The following CFAP300 variants were observed in gnomAD, a reference collection of about 807,000 sequenced individuals.
The protein encoded by CFAP300 is cilia- and flagella-associated protein 300.
A neutral mutation model predicts 33.0 loss-of-function variants in CFAP300; 32 were observed. That is an observed-to-expected ratio of 0.97 (90% CI 0.73 to 1.30). The LOEUF is 1.30. Ranked by LOEUF, CFAP300 falls within the 50% of genes most tolerant of loss-of-function variation. The pLI, the probability that CFAP300 is intolerant of heterozygous loss-of-function variation, is 0.00. For missense variants in CFAP300, 356 were observed against 318.1 expected, an observed-to-expected ratio of 1.12 and a Z score of -0.90; for synonymous variants, 102 against 106.8, an observed-to-expected ratio of 0.95 and a Z score of 0.28.
At chr11:102,082,099 C>T (rs2135054107) in intron 6 of CFAP300, among the ~76,000 whole-genome samples, 1 of 151,976 alleles carries the variant, frequency 6.6e-6, no homozygotes, top group South Asian at 2.1e-4. Context: ...GAAACATAGT[C>T]CCCACCCCGT....
intron 4 of CFAP300, among the ~76,000 whole-genome samples, chr11:102,071,546 G>T (rs910093965): frequency 6.6e-6 from 1 of 151,970 alleles, no homozygotes; most frequent in Non-Finnish European, 1.5e-5. Context: ...TTTGGGGTTT[G>T]GTGGTTTTCT....
At chr11:102,055,883 A>G (rs1942049371) in intron 2 of CFAP300, among the ~76,000 whole-genome samples, 1 of 147,654 alleles carries the variant, frequency 6.8e-6, no homozygotes, top group Non-Finnish European at 1.5e-5. Context: ...GTTAGTCAGG[A>G]TGGTCTCAAT....
chr11:102,059,016 G>T (rs1415615414), intron 3 of CFAP300, 61 bp downstream of exon 3: 3 of 975,562 alleles, frequency 3.1e-6, no homozygotes, highest in African/African-American at 1.7e-5. Flanking sequence ...TTTTGCCTCA[G>T]GAATTTTCAT....
At chr11:102,076,911 T>C (rs1422879853) in intron 5 of CFAP300, among the ~76,000 whole-genome samples, 1 of 152,214 alleles carries the variant, frequency 6.6e-6, no homozygotes, top group Non-Finnish European at 1.5e-5. Context: ...GAACAAGTTA[T>C]TGTCAACACA....
At chr11:102,067,930 A>G (rs1427500728) in intron 4 of CFAP300, among the ~76,000 whole-genome samples, 1 of 152,176 alleles carries the variant, frequency 6.6e-6, no homozygotes, top group Non-Finnish European at 1.5e-5. Context: ...AAAGAAATGT[A>G]TTATTGATAT....
At chr11:102,068,772 G>A (rs1438414830) in intron 4 of CFAP300, among the ~76,000 whole-genome samples, 4 of 152,168 alleles carry the variant, frequency 2.6e-5, no homozygotes, top group African/African-American at 9.7e-5. Context: ...AGGTGAAAGA[G>A]CAAGATTTCG....
At chr11:102,064,496 C>T (rs1942195318) in intron 3 of CFAP300, among the ~76,000 whole-genome samples, 1 of 152,238 alleles carries the variant, frequency 6.6e-6, no homozygotes, top group Non-Finnish European at 1.5e-5. Context: ...ATACACAGTT[C>T]CTGGCTCCAG....
At chr11:102,070,620 T>G (rs557277930) in intron 4 of CFAP300, among the ~76,000 whole-genome samples, 1 of 152,308 alleles carries the variant, frequency 6.6e-6, no homozygotes, top group South Asian at 2.1e-4. Flanking sequence ...GCTTTTTTAG[T>G]TTCTTGAGGT....
intron 5 of CFAP300, among the ~76,000 whole-genome samples, chr11:102,076,896 T>G (rs1170659916): frequency 6.6e-6 from 1 of 152,212 alleles, no homozygotes; most frequent in Non-Finnish European, 1.5e-5. Flanking sequence ...CTCTGTGATT[T>G]TAATGAACAA....
intron 5 of CFAP300, among the ~76,000 whole-genome samples, chr11:102,076,763 A>G (rs1448041019): frequency 1.3e-5 from 2 of 152,220 alleles, no homozygotes; most frequent in African/African-American, 4.8e-5. Context: ...CTTTACTTAT[A>G]CTCAACACCT....
At chr11:102,070,162 G>A (rs1379665014) in intron 4 of CFAP300, among the ~76,000 whole-genome samples, 1 of 151,930 alleles carries the variant, frequency 6.6e-6, no homozygotes, top group Non-Finnish European at 1.5e-5. Flanking sequence ...AGGAAGGAAG[G>A]AAGTGGAGAT....
At chr11:102,047,741 G>T in intron 1 of CFAP300, 74 bp from the exon 2 acceptor site, 1 of 1,550,246 alleles carries the variant, frequency 6.5e-7, no homozygotes, top group Non-Finnish European at 8.8e-7. Context: ...GGATGCTGTG[G>T]GTGGGATCGG....
rs372015461 is a variant in CFAP300, at chr11:102,076,081, T to A, written c.608+36T>A. ...TAGATCACAATATGTAAATCTCTAGTTAATAGAATAAATTATTTGCTTAAC... is the reference window on the plus strand; with the variant it reads ...TAGATCACAATATGTAAATCTCTAGATAATAGAATAAATTATTTGCTTAAC... On this transcript the variant is annotated intron_variant, in intron 5 of 6. Coordinates refer to ENST00000434758, the MANE Select transcript of CFAP300 (RefSeq NM_032930.3). The A allele has an allele frequency of 1.5e-4, 232 of 1,560,472 alleles. 2 individuals are homozygous for A. In the South Asian group the frequency reaches 1.6e-3, roughly 11 times the overall value.
intron 2 of CFAP300, among the ~76,000 whole-genome samples, chr11:102,052,187 G>C (rs1941981774): frequency 1.3e-5 from 2 of 152,170 alleles, no homozygotes; most frequent in East Asian, 3.8e-4. Flanking sequence ...CTGCAGGCCA[G>C]TTGACCTGCT....
At position 102,075,899 on chromosome 11, in the gene CFAP300, A is replaced by G. The variant is rs1444478969; in HGVS notation, c.462A>G (p.Lys154=). The G allele has an allele frequency of 6.2e-7, 1 of 1,612,496 alleles. No individual in the cohort carries two copies. The highest frequency in any genetic ancestry group is 8.5e-7 in the Non-Finnish European group (1 of 1,179,540). Residue 154 remains lysine (K), a synonymous_variant, in exon 5 of 7, where the codon AAA becomes AAG. Coordinates refer to ENST00000434758, the MANE Select transcript of CFAP300 (RefSeq NM_032930.3). ...TTTTGCTAGTGGAAGACTCAGAAAA[A>G]TATGAAATATTCAGCCAACCAGATA... ...RRVLLVEDSE[K]YEIFSQPDRE...
chr11:102,068,594 C>A (rs974912977), intron 4 of CFAP300, among the ~76,000 whole-genome samples: 2 of 152,112 alleles, frequency 1.3e-5, no homozygotes, highest in Admixed American at 6.6e-5. Flanking sequence ...CGAGACCAGT[C>A]TAGCCAATAT....
At chr11:102,082,576 A>G (rs760503849) in intron 6 of CFAP300, among the ~76,000 whole-genome samples, 8 of 152,218 alleles carry the variant, frequency 5.3e-5, no homozygotes, top group Non-Finnish European at 8.8e-5. Context: ...TGTGCTGTCC[A>G]TAAATATTTT....
chr11:102,049,971 T>G (rs1035896225), intron 2 of CFAP300, among the ~76,000 whole-genome samples: 10 of 151,922 alleles, frequency 6.6e-5, no homozygotes, highest in Non-Finnish European at 1.5e-4. Context: ...GGCAACATAG[T>G]GAGATCCTGT....
At chr11:102,072,149 T>C (rs1942322305) in intron 4 of CFAP300, among the ~76,000 whole-genome samples, 1 of 152,116 alleles carries the variant, frequency 6.6e-6, no homozygotes, top group African/African-American at 2.4e-5. Context: ...TGGTATCCTA[T>C]ATGTAATGTA....
Sources: allele counts gnomAD v4.1 joint callset (sites outside exome capture counted in the v4.1 genomes callset), GRCh38; gene constraint gnomAD v4.1.1; transcripts MANE v1.5; gene names NCBI Gene and HGNC (gene_info 2026-07-23, HGNC 2026-07-21).